The following MAP2K5 variants were observed in gnomAD, a reference collection of about 807,000 sequenced individuals.
The protein encoded by MAP2K5 is mitogen-activated protein kinase kinase 5.
MAP2K5 carries 49 observed loss-of-function variants against 83.1 expected under a neutral mutation model. That is an observed-to-expected ratio of 0.59 (90% CI 0.47 to 0.75). MAP2K5 has a LOEUF of 0.75. Ranked by LOEUF, MAP2K5 falls within the 30% of genes least tolerant of loss-of-function variation. The pLI, the probability that MAP2K5 is intolerant of heterozygous loss-of-function variation, is 0.00. For missense variants in MAP2K5, 457 were observed against 557.5 expected (o/e 0.82, Z 1.82); for synonymous variants, 202 against 191.8 (o/e 1.05, Z -0.44).
At position 67,640,700 on chromosome 15, in the gene MAP2K5, A is replaced by C. The variant is rs147562231; in HGVS notation, c.586-5531A>C. The C allele has an allele frequency of 7.2e-6, 3 of 414,700 alleles. No individual in the cohort carries two copies. Among genetic ancestry groups the C allele is most frequent in the African/African-American group, 4.3e-5 (2 of 46,438 alleles). The allele number at this position is 414,700 out of a possible 1,614,324, so 25.7% of individuals were successfully genotyped here. The stretch of plus-strand genomic sequence containing the variant: ...TGAAAATCTGTTGCTTTTCCTACTC[A>C]AAATGTTTCTCATGTTATGCTTCTA... On this transcript the variant is annotated intron_variant, in intron 9 of 21. Coordinates refer to ENST00000178640, the MANE Select transcript of MAP2K5 (RefSeq NM_145160.3). The surrounding 1 kb of genome is among the most constrained non-coding windows in gnomAD (Gnocchi z 4.6).
Position 67,634,367 on chromosome 15 carries a change from CAAAAAAAAAAAAAAAAAAAAAAAAAAA to C in MAP2K5, c.585+3456_585+3482del, listed in dbSNP as rs71142390. Among the ~76,000 whole-genome samples the C allele has an allele frequency of 9.1e-4, 44 of 48,574 alleles. 1 individual carries two copies. The South Asian group carries it at 0.018, about 19-fold the overall frequency. 31.9% of individuals were successfully genotyped at this position (48,574 alleles called of 152,430 possible). On this transcript the variant is annotated intron_variant, in intron 9 of 21. Transcript: ENST00000178640. ...TGGGTGACAGAGTAAGACCTCATCT[CAAAAAAAAAAAAAAAAAAAAAAAAAAA>C]AAAAAAAAAAAAAAAGAATGTATAA...
intron 7 of MAP2K5, among the ~76,000 whole-genome samples, chr15:67,596,358 G>C (rs918058169): frequency 6.6e-6 from 1 of 152,016 alleles, no homozygotes; most frequent in African/African-American, 2.4e-5. Flanking sequence ...AGGTTGCGGT[G>C]AGCCAAGACT....
chr15:67,545,115 T>G (rs1436116429), intron 1 of MAP2K5, among the ~76,000 whole-genome samples: 2 of 152,314 alleles, frequency 1.3e-5, no homozygotes, highest in Middle Eastern at 3.4e-3. Context: ...CTGTCTGCAC[T>G]CTGCTCTTCA....
chr15:67,794,055 C>T lies in MAP2K5; in HGVS notation c.1243-12591C>T, dbSNP rs1267234969. Among the ~76,000 whole-genome samples, 1 of 152,188 alleles carries T rather than the reference C, an allele frequency of 6.6e-6. No individual in the cohort carries two copies. Among genetic ancestry groups the T allele is most frequent in the Non-Finnish European group, 1.5e-5 (1 of 68,040 alleles). Reference sequence around the variant, plus strand: ...TGTCTTTCTTAACAGTGGAAATAGACTTTGGTTTCATGAGGCTCTGCAGTG... The same window carrying T: ...TGTCTTTCTTAACAGTGGAAATAGATTTTGGTTTCATGAGGCTCTGCAGTG... On this transcript the variant is annotated intron_variant, in intron 21 of 21. Transcript: ENST00000178640. This position sits in a 1 kb window ranked among gnomAD's most constrained non-coding sequence, Gnocchi z 4.6.
At chr15:67,669,730 T>G in intron 13 of MAP2K5, among the ~76,000 whole-genome samples, 1 of 152,248 alleles carries the variant, frequency 6.6e-6, no homozygotes, top group Non-Finnish European at 1.5e-5. Context: ...GTTGCTTAAA[T>G]TGTTAACAGT....
At chr15:67,800,965 T>C (rs995282338) in intron 21 of MAP2K5, among the ~76,000 whole-genome samples, 5 of 152,208 alleles carry the variant, frequency 3.3e-5, no homozygotes, top group Non-Finnish European at 7.3e-5. Context: ...GTGTAACCCT[T>C]TGACCATAGT....
rs1457875299 is a variant in MAP2K5, at chr15:67,768,197, T to G, written c.1135-1405T>G. Among the ~76,000 whole-genome samples, 1 of 152,210 alleles carries G rather than the reference T, an allele frequency of 6.6e-6. No homozygotes were observed. Among genetic ancestry groups the G allele is most frequent in the East Asian group, 1.9e-4 (1 of 5,196 alleles). ...CCTTAATAAGAGTTCTAGTTAATTT[T>G]CTGTCTTGTAATTACCGATCTCATT... On this transcript the variant is annotated intron_variant, in intron 19 of 21. Transcript: ENST00000178640. The surrounding 1 kb of genome is among the most constrained non-coding windows in gnomAD (Gnocchi z 4.0).
Position 67,665,366 on chromosome 15 carries a change from T to G in MAP2K5, c.847+721T>G, listed in dbSNP as rs748372367. On this transcript the variant is annotated intron_variant, in intron 13 of 21. Transcript: ENST00000178640. The surrounding 1 kb of genome is among the most constrained non-coding windows in gnomAD (Gnocchi z 4.2). ...GCAAATTATTAAGTGAGAAAGAGAC[T>G]ATAACAAAGCAACTTCAAGGCCTAG... Among the ~76,000 whole-genome samples, 3 of 152,198 alleles carry G rather than the reference T, an allele frequency of 2.0e-5. No homozygotes were observed. Among genetic ancestry groups the G allele is most frequent in the Non-Finnish European group, 2.9e-5 (2 of 68,024 alleles).
In MAP2K5 at chr15:67,748,645, A is replaced by G. The variant is rs368346726; in HGVS notation, c.1134+44A>G. On this transcript the variant is annotated intron_variant, in intron 19 of 21. Transcript: ENST00000178640. The surrounding 1 kb of genome is among the most constrained non-coding windows in gnomAD (Gnocchi z 4.0). The stretch of plus-strand genomic sequence containing the variant: ...TGCTTTCACTCCTAAAGTCATTCCT[A>G]ATGGTGTGGAAAGCTTATATTTTGT... The G allele has an allele frequency of 1.9e-6, 3 of 1,579,020 alleles. No individual in the cohort carries two copies. The African/African-American group carries it at 4.1e-5, about 21-fold the overall frequency.
At chr15:67,597,598 A>G (rs775129740) in intron 7 of MAP2K5, among the ~76,000 whole-genome samples, 1 of 152,258 alleles carries the variant, frequency 6.6e-6, no homozygotes, top group Non-Finnish European at 1.5e-5. Flanking sequence ...ACTTTCTTAT[A>G]TAATGAACAC....
At chr15:67,766,490 T>C (rs1409736550) in intron 19 of MAP2K5, among the ~76,000 whole-genome samples, 1 of 152,236 alleles carries the variant, frequency 6.6e-6, no homozygotes, top group Non-Finnish European at 1.5e-5. Flanking sequence ...AGAACCCATA[T>C]TTCATAGAGG....
At chr15:67,684,967 A>G (rs928017987) in intron 13 of MAP2K5, among the ~76,000 whole-genome samples, 1 of 152,190 alleles carries the variant, frequency 6.6e-6, no homozygotes, top group Non-Finnish European at 1.5e-5. Flanking sequence ...GACACTATCA[A>G]GAAGTCTAAG....
intron 16 of MAP2K5, among the ~76,000 whole-genome samples, chr15:67,723,235 T>C (rs2089008386): frequency 6.6e-6 from 1 of 152,224 alleles, no homozygotes; most frequent in Admixed American, 6.5e-5. Context: ...AAGATTTTTA[T>C]CGTGTTATAT....
At chr15:67,684,845 A>G (rs1300224395) in intron 13 of MAP2K5, among the ~76,000 whole-genome samples, 1 of 152,338 alleles carries the variant, frequency 6.6e-6, no homozygotes, top group East Asian at 1.9e-4. Context: ...ATTAGACACT[A>G]CAGAAGAAAT....
At position 67,748,421 on chromosome 15, in the gene MAP2K5, C is replaced by A; in HGVS notation, c.1102-148C>A. Reference sequence around the variant, plus strand: ...TTAGGTACCATTAGAAATAATAGAACCTCCTGAGCATCAATGTTTTTATAA... The same window carrying A: ...TTAGGTACCATTAGAAATAATAGAAACTCCTGAGCATCAATGTTTTTATAA... On this transcript the variant is annotated intron_variant, in intron 18 of 21. Coordinates refer to ENST00000178640, the MANE Select transcript of MAP2K5 (RefSeq NM_145160.3). The surrounding 1 kb of genome is among the most constrained non-coding windows in gnomAD (Gnocchi z 4.0). 2.4e-6 allele frequency: 2 copies of A among 821,070 alleles called. No homozygotes were observed. The highest frequency in any genetic ancestry group is 3.9e-6 in the Non-Finnish European group (2 of 507,080). The allele number at this position is 821,070 out of a possible 1,614,324, so 50.9% of individuals were successfully genotyped here. A position where few individuals can be genotyped will look rare whatever the true frequency, so the allele number is the denominator to read the frequency against.
intron 13 of MAP2K5, among the ~76,000 whole-genome samples, chr15:67,689,790 AGATTT>A (rs1488585009): frequency 5.9e-5 from 9 of 152,218 alleles, no homozygotes; most frequent in Admixed American, 1.3e-4. Flanking sequence ...TTGAAACTAA[AGATTT>A]GCTGCTTTTA....
chr15:67,678,807 T>C (rs1445279879), intron 13 of MAP2K5, among the ~76,000 whole-genome samples: 1 of 151,738 alleles, frequency 6.6e-6, no homozygotes, highest in African/African-American at 2.4e-5. Flanking sequence ...CTACTAAAAA[T>C]ACAAAAATTA....
intron 16 of MAP2K5, among the ~76,000 whole-genome samples, chr15:67,709,204 G>A (rs1386555034): frequency 6.6e-6 from 1 of 152,088 alleles, no homozygotes; most frequent in East Asian, 1.9e-4. Flanking sequence ...ATTTGTGTGG[G>A]CTCACTCTGT....
chr15:67,580,616 C>A, intron 3 of MAP2K5, 138 bp from the exon 4 acceptor site: 1 of 638,100 alleles, frequency 1.6e-6, no homozygotes, highest in Non-Finnish European at 2.8e-6. Context: ...TTTGATGTGC[C>A]AGTAGGGGAA....
Sources: allele counts gnomAD v4.1 joint callset (sites outside exome capture counted in the v4.1 genomes callset), GRCh38; gene constraint gnomAD v4.1.1; non-coding constraint Gnocchi (gnomAD v3.1); transcripts MANE v1.5; gene names NCBI Gene and HGNC (gene_info 2026-07-23, HGNC 2026-07-21).